CCDC7: variants seen among roughly 807,000 people sequenced by gnomAD.
CCDC7 encodes the protein coiled-coil domain containing 7.
A neutral mutation model predicts 196.9 loss-of-function variants in CCDC7; 183 were observed. That is an observed-to-expected ratio of 0.93 (90% CI 0.82 to 1.05). CCDC7 has a LOEUF of 1.05. Among genes scored for constraint, CCDC7 ranks in the 50% least tolerant of loss-of-function variants. The pLI is 0.00. For missense variants in CCDC7, 1,540 were observed against 1,482.2 expected, an observed-to-expected ratio of 1.04 and a Z score of -0.64; for synonymous variants, 525 against 484.6, an observed-to-expected ratio of 1.08 and a Z score of -1.10.
At chr10:32,516,213 GAT>G (rs1199749081) in intron 9 of CCDC7, among the ~76,000 whole-genome samples, 1 of 151,858 alleles carries the variant, frequency 6.6e-6, no homozygotes, top group Admixed American at 6.6e-5. Flanking sequence ...GATCTGAATA[GAT>G]ATTTCCCCAA....
chr10:32,464,927 T>C (rs2036438391), intron 5 of CCDC7, among the ~76,000 whole-genome samples: 1 of 152,186 alleles, frequency 6.6e-6, no homozygotes, highest in Admixed American at 6.5e-5. Context: ...TTGATCCACA[T>C]TCCTCTCTAA....
intron 11 of CCDC7, among the ~76,000 whole-genome samples, chr10:32,529,533 G>A (rs555097376): frequency 2.1e-4 from 32 of 152,214 alleles, no homozygotes; most frequent in Admixed American, 1.4e-3. Flanking sequence ...GTGATGTTGA[G>A]CATTTTTTTA....
chr10:32,665,956 A>ATT (rs1378367043), intron 21 of CCDC7, among the ~76,000 whole-genome samples: 1 of 151,722 alleles, frequency 6.6e-6, no homozygotes, highest in Non-Finnish European at 1.5e-5. Flanking sequence ...TTTTTTGTAG[A>ATT]TATTGTAAAT....
At chr10:32,679,669 A>G (rs1176425445) in intron 21 of CCDC7, among the ~76,000 whole-genome samples, 1 of 152,178 alleles carries the variant, frequency 6.6e-6, no homozygotes, top group African/African-American at 2.4e-5. Context: ...ACTTTGTAAT[A>G]ATGCTTTAGA....
chr10:32,544,476 A>T (rs1254486529), intron 13 of CCDC7, 175 bp downstream of exon 14: 1 of 463,570 alleles, frequency 2.2e-6, no homozygotes, highest in African/African-American at 2.0e-5. Flanking sequence ...TTTCTTGTTG[A>T]TGGACTCTTC....
chr10:32,746,870 G>T (rs1329725237), intron 28 of CCDC7, among the ~76,000 whole-genome samples: 2 of 152,206 alleles, frequency 1.3e-5, no homozygotes, highest in Admixed American at 1.3e-4. Flanking sequence ...CAGCTGGCAT[G>T]CGCACACAAG....
intron 9 of CCDC7, chr10:32,512,763 A>C (rs2046414881): frequency 6.6e-6 from 1 of 152,200 alleles, no homozygotes; most frequent in African/African-American, 2.4e-5. Context: ...CTAAAAACAC[A>C]TAAGAAAAAT....
chr10:32,628,384 TTTTA>T (rs776565721), intron 18 of CCDC7, among the ~76,000 whole-genome samples: 26 of 152,106 alleles, frequency 1.7e-4, no homozygotes, highest in Admixed American at 5.2e-4. Context: ...CCTTTTCTGA[TTTTA>T]TTTGAGTCTT....
At chr10:32,829,577 G>A (rs534486645) in intron 32 of CCDC7, among the ~76,000 whole-genome samples, 6 of 152,166 alleles carry the variant, frequency 3.9e-5, no homozygotes, top group East Asian at 3.9e-4. Flanking sequence ...GGATTTGTGC[G>A]TTTCTGGTTA....
At chr10:32,808,918 A>G (rs2086454428) in intron 30 of CCDC7, among the ~76,000 whole-genome samples, 1 of 152,188 alleles carries the variant, frequency 6.6e-6, no homozygotes. Flanking sequence ...ACTCATGCCT[A>G]TACCCCAGCA....
intron 23 of CCDC7, among the ~76,000 whole-genome samples, chr10:32,692,904 C>A (rs2077252537): frequency 6.6e-6 from 1 of 152,100 alleles, no homozygotes. Flanking sequence ...AAGCTGTTTT[C>A]CATTTTATGG....
At position 32,846,446 on chromosome 10, in the gene CCDC7, A is replaced by G. The variant is rs1180023137; in HGVS notation, c.3675A>G (p.Leu1225=). The change falls in exon 37 of 42, where the codon TTA becomes TTG. Residue 1225 remains leucine, a synonymous_variant. Coordinates refer to ENST00000639629, the Ensembl canonical transcript of CCDC7. ...TAAAGGGACCAATCAGTGCACAATTAAAGAGTCACCAGGGTAAGAAAAATA... is the reference window on the plus strand; with the variant it reads ...TAAAGGGACCAATCAGTGCACAATTGAAGAGTCACCAGGGTAAGAAAAATA... The G allele has an allele frequency of 1.9e-6, 3 of 1,593,122 alleles. No individual in the cohort carries two copies. In the African/African-American group the frequency reaches 4.0e-5, roughly 21 times the overall value.
At chr10:32,857,322 C>G (rs1489510134) in intron 41 of CCDC7, among the ~76,000 whole-genome samples, 2 of 152,140 alleles carry the variant, frequency 1.3e-5, no homozygotes, top group Middle Eastern at 3.2e-3. Flanking sequence ...AGCAGCAGAA[C>G]ATACATTTTT....
intron 16 of CCDC7, among the ~76,000 whole-genome samples, chr10:32,575,452 C>T (rs184925097): frequency 2.6e-4 from 40 of 152,112 alleles, no homozygotes; most frequent in Middle Eastern, 3.4e-3. Context: ...GTCATTATTC[C>T]GTAGAGAAAT....
chr10:32,727,904 T>C (rs966771803), intron 26 of CCDC7, among the ~76,000 whole-genome samples: 1 of 152,114 alleles, frequency 6.6e-6, no homozygotes, highest in African/African-American at 2.4e-5. Context: ...CCTCTATTGT[T>C]CTTACTCTTG....
At chr10:32,480,733 C>G (rs2039814911) in intron 8 of CCDC7, among the ~76,000 whole-genome samples, 1 of 152,110 alleles carries the variant, frequency 6.6e-6, no homozygotes. Context: ...ATGATTTTAG[C>G]CTTCTTAAAT....
chr10:32,562,227 G>C (rs12252815), intron 13 of CCDC7, among the ~76,000 whole-genome samples: 1 of 152,276 alleles, frequency 6.6e-6, no homozygotes, highest in East Asian at 1.9e-4. Context: ...GAGGTACAAG[G>C]AGGAATTGGT....
chr10:32,809,901 T>A (rs2135298050), intron 30 of CCDC7, among the ~76,000 whole-genome samples: 1 of 151,208 alleles, frequency 6.6e-6, no homozygotes, highest in South Asian at 2.1e-4. Flanking sequence ...GGATTATAAA[T>A]CATGCTACTA....
At chr10:32,710,554 A>G (rs1322481274) in intron 24 of CCDC7, among the ~76,000 whole-genome samples, 1 of 152,136 alleles carries the variant, frequency 6.6e-6, no homozygotes, top group African/African-American at 2.4e-5. Context: ...CAGAACCAAA[A>G]AGCTTATGTA....
Sources: gnomAD v4.1 joint callset for allele counts (sites outside exome capture counted in the v4.1 genomes callset) on GRCh38, gnomAD v4.1.1 for gene constraint, MANE v1.5 for transcripts, NCBI Gene and HGNC (gene_info 2026-07-23, HGNC 2026-07-21) for gene names.